The following CLEC2L variants were observed in gnomAD, a reference collection of about 807,000 sequenced individuals.
The protein encoded by CLEC2L is C-type lectin domain family 2 member L, also known as C-type lectin domain family 2, member L.
CLEC2L carries 14 observed loss-of-function variants against 23.6 expected under a neutral mutation model. The observed-to-expected ratio is 0.59, with a 90% CI of 0.39 to 0.93. The LOEUF (loss-of-function observed/expected upper bound fraction) is 0.93. Ranked by LOEUF, CLEC2L falls within the 40% of genes least tolerant of loss-of-function variation. CLEC2L has a pLI of 0.00. For missense variants in CLEC2L, 264 were observed against 282.4 expected, an observed-to-expected ratio of 0.93 and a Z score of 0.47; for synonymous variants, 114 against 121.3, an observed-to-expected ratio of 0.94 and a Z score of 0.40.
chr7:139,530,623 A>C (rs541281493), intron 1 of CLEC2L, among the ~76,000 whole-genome samples: 3 of 152,068 alleles, frequency 2.0e-5, no homozygotes, highest in Non-Finnish European at 4.4e-5. Flanking sequence ...GACCAGCCCG[A>C]CCAACATGGT....
chr7:139,527,389 C>T (rs894655808), intron 1 of CLEC2L, among the ~76,000 whole-genome samples: 5 of 152,192 alleles, frequency 3.3e-5, no homozygotes, highest in African/African-American at 9.7e-5. Flanking sequence ...CCAGCACTGA[C>T]GTTTCCCTCC....
chr7:139,533,894 G>A (rs1007722643), intron 1 of CLEC2L, among the ~76,000 whole-genome samples: 3 of 152,148 alleles, frequency 2.0e-5, no homozygotes, highest in African/African-American at 7.2e-5. Context: ...TTGAGCTGCA[G>A]AGGCACTGTT....
chr7:139,534,706 T>C (rs1797628226), intron 1 of CLEC2L, among the ~76,000 whole-genome samples: 1 of 152,200 alleles, frequency 6.6e-6, no homozygotes, highest in Non-Finnish European at 1.5e-5. Context: ...TGTGAAGTTC[T>C]TTTTCCATTT....
intron 1 of CLEC2L, among the ~76,000 whole-genome samples, chr7:139,535,451 G>A (rs1435270438): frequency 6.6e-6 from 1 of 152,042 alleles, no homozygotes; most frequent in Non-Finnish European, 1.5e-5. Context: ...AGTGATGATG[G>A]TTGCACAACA....
At chr7:139,538,471 G>T (rs555733562) in intron 2 of CLEC2L, among the ~76,000 whole-genome samples, 1 of 148,796 alleles carries the variant, frequency 6.7e-6, no homozygotes, top group South Asian at 2.1e-4. Flanking sequence ...AAAAAGGTCC[G>T]GGCGTGGTGG....
At position 139,523,951 on chromosome 7, in the gene CLEC2L, C is replaced by G; in HGVS notation, c.24C>G (p.Pro8=). 2.1e-6 allele frequency: 2 copies of G among 973,616 alleles called. No homozygotes were observed. Among genetic ancestry groups the G allele is most frequent in the South Asian group, 4.7e-5 (1 of 21,492 alleles). The allele number at this position is 973,616 out of a possible 1,614,324, so 60.3% of individuals were successfully genotyped here. MEPAREP[P]SRARPPPPLA... ...GCATGGAGCCGGCCCGGGAGCCCCC[C>G]TCGCGGGCCCGGCCGCCGCCGCCCC... The change falls in exon 1 of 5, where the codon CCC becomes CCG. Residue 8 remains proline (P), a synonymous_variant. Transcript: ENST00000422142. This position sits in a 1 kb window ranked among gnomAD's most constrained non-coding sequence, Gnocchi z 4.1.
chr7:139,540,127 T>A lies in CLEC2L; in HGVS notation c.266-194T>A, dbSNP rs1305945302. The A allele has an allele frequency of 1.7e-6, 1 of 583,988 alleles. No individual in the cohort carries two copies. Among genetic ancestry groups the A allele is most frequent in the African/African-American group, 1.9e-5 (1 of 53,606 alleles). The allele number at this position is 583,988 out of a possible 1,614,324, so 36.2% of individuals were successfully genotyped here. A position where few individuals can be genotyped will look rare whatever the true frequency, so the allele number is the denominator to read the frequency against. On this transcript the variant is annotated intron_variant, in intron 2 of 4. Transcript: ENST00000422142. This position sits in a 1 kb window ranked among gnomAD's most constrained non-coding sequence, Gnocchi z 5.8. ...TCACTTCCCGTCGTGATGATGCCCC[T>A]GCCAGGCTTCCCACAGTCCCCTTTC...
intron 1 of CLEC2L, among the ~76,000 whole-genome samples, chr7:139,530,979 A>G (rs1797573549): frequency 6.6e-6 from 1 of 152,030 alleles, no homozygotes; most frequent in Non-Finnish European, 1.5e-5. Flanking sequence ...TCCTCCATGG[A>G]CTCTCATCCA....
At chr7:139,536,832 A>C (rs974615272) in intron 2 of CLEC2L, among the ~76,000 whole-genome samples, 13 of 151,832 alleles carry the variant, frequency 8.6e-5, no homozygotes, top group Non-Finnish European at 2.9e-5. Flanking sequence ...AAAATTAGCC[A>C]GGTGTGGTGG....
intron 2 of CLEC2L, among the ~76,000 whole-genome samples, chr7:139,538,445 A>AAC (rs1277903330): frequency 0.011 from 1,640 of 146,514 alleles, 31 homozygotes; most frequent in African/African-American, 0.04. Flanking sequence ...AAAAAAAAAC[A>AAC]AAAAACAAAA....
intron 1 of CLEC2L, among the ~76,000 whole-genome samples, chr7:139,531,328 G>A (rs146171147): frequency 1.3e-5 from 2 of 152,132 alleles, no homozygotes; most frequent in African/African-American, 4.8e-5. Context: ...AACAAGAATA[G>A]GATTCTTTAA....
At chr7:139,541,413 G>A (rs1217699389) in intron 3 of CLEC2L, among the ~76,000 whole-genome samples, 1 of 152,078 alleles carries the variant, frequency 6.6e-6, no homozygotes. Context: ...ATCAGGACAC[G>A]GTCTCTCATT....
Position 139,544,213 on chromosome 7 carries a change from C to T in CLEC2L, c.534-18C>T. The T allele has an allele frequency of 6.3e-7, 1 of 1,593,496 alleles. No homozygotes were observed. The highest frequency in any genetic ancestry group is 1.1e-5 in the South Asian group (1 of 89,382). ...ATGTTCCAGATCATAAACGCCTGGTCTTCTCTCCTGGCCACAGGTTCACCA... is the reference window on the plus strand; with the variant it reads ...ATGTTCCAGATCATAAACGCCTGGTTTTCTCTCCTGGCCACAGGTTCACCA... On this transcript the variant is annotated intron_variant, in intron 4 of 4. Transcript: ENST00000422142.
intron 1 of CLEC2L, among the ~76,000 whole-genome samples, chr7:139,532,720 A>C (rs1797597743): frequency 6.6e-6 from 1 of 152,122 alleles, no homozygotes; most frequent in African/African-American, 2.4e-5. Flanking sequence ...CAGACACCAG[A>C]ACTTCCTCTC....
At chr7:139,536,129 A>AC (rs1415371433) in intron 1 of CLEC2L, 145 bp from the exon 2 acceptor site, 2 of 636,600 alleles carry the variant, frequency 3.1e-6, no homozygotes, top group Non-Finnish European at 5.4e-6. Flanking sequence ...ACATGGTGAA[A>AC]CCCCATCTCA....
intron 2 of CLEC2L, among the ~76,000 whole-genome samples, chr7:139,538,329 A>G (rs1487550682): frequency 6.6e-6 from 1 of 150,786 alleles, no homozygotes; most frequent in Non-Finnish European, 1.5e-5. Context: ...GCTACTCGGG[A>G]GGCTGAGGAA....
chr7:139,531,145 A>G (rs759675803), intron 1 of CLEC2L, among the ~76,000 whole-genome samples: 2 of 152,206 alleles, frequency 1.3e-5, no homozygotes, highest in African/African-American at 2.4e-5. Flanking sequence ...AATCATGAAC[A>G]GATAACTGTG....
At chr7:139,541,940 C>T in intron 3 of CLEC2L, 81 bp from the exon 4 acceptor site, 1 of 927,326 alleles carries the variant, frequency 1.1e-6, no homozygotes, top group East Asian at 2.6e-5. Flanking sequence ...CAGTATCTTC[C>T]AAGCTGAGGT....
chr7:139,531,840 G>T (rs1213596194), intron 1 of CLEC2L, among the ~76,000 whole-genome samples: 4 of 151,904 alleles, frequency 2.6e-5, no homozygotes, highest in African/African-American at 9.7e-5. Flanking sequence ...AACCCAGGAG[G>T]TGGAGGTTGC....
Sources: allele counts gnomAD v4.1 joint callset (sites outside exome capture counted in the v4.1 genomes callset), GRCh38; gene constraint gnomAD v4.1.1; non-coding constraint Gnocchi (gnomAD v3.1); transcripts MANE v1.5; gene names NCBI Gene and HGNC (gene_info 2026-07-23, HGNC 2026-07-21).